HERC1: variants seen among roughly 807,000 people sequenced by gnomAD.
The protein encoded by HERC1 is probable E3 ubiquitin-protein ligase HERC1.
A neutral mutation model predicts 554.3 loss-of-function variants in HERC1; 160 were observed. The ratio of observed to expected loss-of-function variants is 0.29; its 90% CI spans 0.25 to 0.33. The LOEUF is 0.33. Ranked by LOEUF, HERC1 falls within the 10% of genes least tolerant of loss-of-function variation. The pLI, the probability that HERC1 is intolerant of heterozygous loss-of-function variation, is 1.00. For missense variants in HERC1, 4,919 were observed against 5,918.5 expected, an observed-to-expected ratio of 0.83 and a Z score of 5.54; for synonymous variants, 2,175 against 2,131.7, an observed-to-expected ratio of 1.02 and a Z score of -0.56.
rs756322318 is a variant in HERC1, at chr15:63,694,870, T to C, written c.5146A>G (p.Asn1716Asp). ...GCTACCTGGATTTCAATCTGAATAT[T>C]TCTCTTAGCTGCTCTGATCCCATCC... is the stretch of plus-strand genomic sequence containing the variant. ...YQDGIRAAKRNIQIEIQVAVH... is the reference protein window; with the variant it reads ...YQDGIRAAKRDIQIEIQVAVH... The change falls in exon 28 of 78, where the codon AAT (asparagine) becomes GAT (aspartate). Residue 1716 changes from asparagine to aspartate, a missense_variant. Coordinates refer to ENST00000443617, the MANE Select transcript of HERC1 (RefSeq NM_003922.4). This position sits in a 1 kb window ranked among gnomAD's most constrained non-coding sequence, Gnocchi z 4.3. 12 of 1,613,782 alleles carry C rather than the reference T, an allele frequency of 7.4e-6. No homozygotes were observed. The South Asian group carries it at 1.2e-4, about 16-fold the overall frequency.
intron 1 of HERC1, among the ~76,000 whole-genome samples, chr15:63,811,090 A>G (rs2145278844): frequency 6.6e-6 from 1 of 152,336 alleles, no homozygotes; most frequent in African/African-American, 2.4e-5. Context: ...GCAATATATG[A>G]ATGTGATTGG....
At chr15:63,632,612 CA>C (rs759481146) in intron 68 of HERC1, 96 bp downstream of exon 68, 7 of 809,154 alleles carry the variant, frequency 8.7e-6, no homozygotes, top group South Asian at 1.5e-5. Flanking sequence ...CCACCTAGAA[CA>C]AAAAAAGGAC....
At chr15:63,819,363 T>G (rs1567160459) in intron 1 of HERC1, among the ~76,000 whole-genome samples, 1 of 152,324 alleles carries the variant, frequency 6.6e-6, no homozygotes, top group East Asian at 1.9e-4. Context: ...TTCACATCAA[T>G]TGAGAAAATG....
At chr15:63,794,273 C>T (rs999437220) in intron 1 of HERC1, among the ~76,000 whole-genome samples, 1 of 152,148 alleles carries the variant, frequency 6.6e-6, no homozygotes, top group African/African-American at 2.4e-5. Flanking sequence ...TCTATAGACT[C>T]GCCCTGAATT....
In HERC1 at chr15:63,658,707, A is replaced by C; in HGVS notation, c.9436T>G (p.Ser3146Ala). The C allele has an allele frequency of 6.2e-7, 1 of 1,610,122 alleles. No individual in the cohort carries two copies. Among genetic ancestry groups the C allele is most frequent in the Non-Finnish European group, 8.5e-7 (1 of 1,177,732 alleles). Residue 3146 changes from serine (S) to alanine (A), a missense_variant, in exon 48 of 78, where the codon TCC becomes GCC. By Grantham distance (99) the Ser-to-Ala change is moderately conservative. Coordinates refer to ENST00000443617, the MANE Select transcript of HERC1 (RefSeq NM_003922.4). ...ETLMQIGCHG[S>A]VEKSSSGRIT... ...CTCCCAGAGGAGCTCTTTTCTACGG[A>C]GCCATGGCAACCTGAAAAACATAAT...
Position 63,694,230 on chromosome 15 carries a change from CA to C in HERC1, c.5481-74del. On this transcript the variant is annotated intron_variant, in intron 29 of 77. Coordinates refer to ENST00000443617, the MANE Select transcript of HERC1 (RefSeq NM_003922.4). The surrounding 1 kb of genome is among the most constrained non-coding windows in gnomAD (Gnocchi z 4.3). ...AAGCATAGTGCTTAAATACATAAAG[CA>C]GATTAGAGGGAAAGGGGGAATTCTA... The C allele has an allele frequency of 6.4e-7, 1 of 1,563,378 alleles. No homozygotes were observed. Among genetic ancestry groups the C allele is most frequent in the Non-Finnish European group, 8.7e-7 (1 of 1,152,894 alleles).
At chr15:63,818,659 CCTT>C (rs1567159869) in intron 1 of HERC1, among the ~76,000 whole-genome samples, 2 of 152,232 alleles carry the variant, frequency 1.3e-5, no homozygotes. Context: ...TTTGAAAAAT[CCTT>C]CTTAATATCT....
intron 1 of HERC1, among the ~76,000 whole-genome samples, chr15:63,782,331 A>G (rs1399432119): frequency 6.6e-6 from 1 of 152,244 alleles, no homozygotes; most frequent in Non-Finnish European, 1.5e-5. Flanking sequence ...GCTCTTTTAC[A>G]TTCTGAAAAA....
chr15:63,752,567 C>A (rs533389535), intron 8 of HERC1: 1 of 156,364 alleles, frequency 6.4e-6, no homozygotes, highest in Non-Finnish European at 1.4e-5. Context: ...ATTTTCCATA[C>A]CTAAGTGTTC....
Position 63,658,521 on chromosome 15 carries a change from A to G in HERC1, c.9599+23T>C, listed in dbSNP as rs758317894. 21 of 1,589,318 alleles carry G rather than the reference A, an allele frequency of 1.3e-5. No homozygotes were observed. In the Admixed American group the frequency reaches 1.6e-4, roughly 12 times the overall value. On this transcript the variant is annotated intron_variant, in intron 48 of 77. Coordinates refer to ENST00000443617, the MANE Select transcript of HERC1 (RefSeq NM_003922.4). ...GTACACTAGAAGTTAACTTAGCATC[A>G]TGTGACATAAAATAACACTTACCTG...
At chr15:63,813,804 G>A (rs575483875) in intron 1 of HERC1, among the ~76,000 whole-genome samples, 9 of 152,170 alleles carry the variant, frequency 5.9e-5, no homozygotes, top group East Asian at 1.9e-4. Flanking sequence ...ATGGTGGCTC[G>A]CGCCTGTAAT....
At chr15:63,622,299 C>A (rs542661706) in intron 74 of HERC1, among the ~76,000 whole-genome samples, 22 of 150,620 alleles carry the variant, frequency 1.5e-4, no homozygotes, top group Non-Finnish European at 2.5e-4. Context: ...TCAATAAATA[C>A]CAAGTCTTGA....
chr15:63,696,030 A>T, intron 27 of HERC1, 94 bp downstream of exon 27: 4 of 913,904 alleles, frequency 4.4e-6, no homozygotes, highest in Non-Finnish European at 6.8e-6. Flanking sequence ...TTGTATTTTT[A>T]AACTGAATCA....
chr15:63,665,998 T>G lies in HERC1; in HGVS notation c.8476A>C (p.Asn2826His), dbSNP rs760081703. Reference sequence around the variant, plus strand: ...GGTGACTGCAAATAACAGGGATCATTTGACTTCCCGCCACTGCCTAGAACG... The same window carrying G: ...GGTGACTGCAAATAACAGGGATCATGTGACTTCCCGCCACTGCCTAGAACG... ...AAVLGSGGKS[N>H]DPCYLQSPGD... The change falls in exon 42 of 78, where the codon AAT becomes CAT. Residue 2826 changes from asparagine to histidine, a missense_variant. Around this residue, in one of 11 missense-constraint regions of HERC1, gnomAD observed 1,963 missense variants for 2,228.6 expected, o/e 0.88. Transcript: ENST00000443617. The G allele has an allele frequency of 1.2e-6, 2 of 1,613,910 alleles. No individual in the cohort carries two copies. The highest frequency in any genetic ancestry group is 1.1e-5 in the South Asian group (1 of 91,084).
intron 42 of HERC1, 77 bp downstream of exon 42, chr15:63,665,842 T>C: frequency 9.7e-7 from 1 of 1,030,868 alleles, no homozygotes; most frequent in Non-Finnish European, 1.5e-6. Context: ...TTAGAAGCAT[T>C]TATGACGGGA....
chr15:63,766,086 C>T (rs981167642), intron 2 of HERC1, among the ~76,000 whole-genome samples: 23 of 152,036 alleles, frequency 1.5e-4, no homozygotes, highest in Non-Finnish European at 2.9e-4. Context: ...ACCTCCTGGG[C>T]TCAAGTGATC....
intron 74 of HERC1, among the ~76,000 whole-genome samples, chr15:63,622,326 C>CTTTTTT (rs35490295): frequency 1.7e-5 from 2 of 117,584 alleles, no homozygotes; most frequent in Non-Finnish European, 3.3e-5. Flanking sequence ...TGCCTGTTTC[C>CTTTTTT]TTTTTTTTTT....
At chr15:63,819,045 G>A (rs146109418) in intron 1 of HERC1, among the ~76,000 whole-genome samples, 4 of 152,090 alleles carry the variant, frequency 2.6e-5, no homozygotes, top group Non-Finnish European at 4.4e-5. Context: ...TGGCCCATTC[G>A]TAATGCCAAG....
Position 63,743,723 on chromosome 15 carries a change from GT to G in HERC1, c.2520+3194del, listed in dbSNP as rs1376490411. Among the ~76,000 whole-genome samples the G allele has an allele frequency of 5.9e-5, 9 of 152,252 alleles. No homozygotes were observed. In the East Asian group the frequency reaches 1.7e-3, roughly 29 times the overall value. On this transcript the variant is annotated intron_variant, in intron 12 of 77. Transcript: ENST00000443617. Reference sequence around the variant, plus strand: ...TGATAGGATTCTGAATTCCTTCTCTGTGCTATCTTGAATTTCTTTGACTTTC... The same window carrying G: ...TGATAGGATTCTGAATTCCTTCTCTGGCTATCTTGAATTTCTTTGACTTTC...
Sources: gnomAD v4.1 joint callset for allele counts (sites outside exome capture counted in the v4.1 genomes callset) on GRCh38, gnomAD v4.1.1 for gene constraint, gnomAD v4.1.1 regional missense constraint, Gnocchi (gnomAD v3.1) non-coding constraint, MANE v1.5 for transcripts, NCBI Gene and HGNC (gene_info 2026-07-23, HGNC 2026-07-21) for gene names.